Variants in NLRP4 observed in about 807,000 individuals in gnomAD.
NLRP4 encodes NACHT, LRR and PYD domains-containing protein 4.
Under a neutral mutation model 84.7 loss-of-function variants are expected in NLRP4, and 44 were observed. The ratio of observed to expected loss-of-function variants is 0.52; its 90% CI spans 0.41 to 0.67. The LOEUF is 0.67. NLRP4 is among the 30% of genes least tolerant of loss of function. The pLI is 0.00. For missense variants in NLRP4, 1,260 were observed against 1,219.4 expected (o/e 1.03, Z -0.50); for synonymous variants, 544 against 476.4 (o/e 1.14, Z -1.85).
intron 3 of NLRP4, among the ~76,000 whole-genome samples, chr19:55,859,986 C>CTTTTT (rs774606132): frequency 1.0e-5 from 1 of 96,504 alleles, no homozygotes; most frequent in East Asian, 3.5e-4. Context: ...TCTTCTTGTT[C>CTTTTT]TTTTTTTTTT....
In NLRP4 at chr19:55,853,448, C is replaced by T. The variant is rs556256229; in HGVS notation, c.280+1088C>T. Among the ~76,000 whole-genome samples the T allele has an allele frequency of 4.6e-5, 7 of 152,134 alleles. No individual in the cohort carries two copies. In the South Asian group the frequency reaches 1.0e-3, roughly 23 times the overall value. ...GGCTCTGTCACCCAGGGTGGAGTGC[C>T]GTGGCATCATCACGGCTCACTGCAG... is the stretch of plus-strand genomic sequence containing the variant. On this transcript the variant is annotated intron_variant, in intron 2 of 9. Coordinates refer to ENST00000301295, the MANE Select transcript of NLRP4 (RefSeq NM_134444.5).
intron 1 of NLRP4, among the ~76,000 whole-genome samples, chr19:55,843,652 A>G (rs1983693591): frequency 6.6e-6 from 1 of 152,146 alleles, no homozygotes; most frequent in South Asian, 2.1e-4. Context: ...AGATTGTGCC[A>G]CTGCACTCCA....
At chr19:55,879,009 T>C (rs755080991) in intron 9 of NLRP4, 45 bp downstream of exon 9, 19 of 1,479,550 alleles carry the variant, frequency 1.3e-5, no homozygotes, top group South Asian at 7.2e-5. Context: ...TGCTCCGGGC[T>C]AAGAAGGGAT....
intron 1 of NLRP4, among the ~76,000 whole-genome samples, chr19:55,847,122 T>C (rs11084408): frequency 6.6e-6 from 1 of 151,278 alleles, no homozygotes; most frequent in East Asian, 1.9e-4. Flanking sequence ...AAATTTTTTT[T>C]AAATTTTTCT....
At chr19:55,874,478 G>A (rs930875907) in intron 7 of NLRP4, among the ~76,000 whole-genome samples, 6 of 152,032 alleles carry the variant, frequency 3.9e-5, no homozygotes, top group Non-Finnish European at 5.9e-5. Context: ...AGATGCTACA[G>A]ATATTAAAAA....
rs200576295 is a variant in NLRP4 at position 55,858,943 on chromosome 19, C to G, written c.1550C>G (p.Ala517Gly). ...AAAAAGGAACAAGAAAAACTGGATG[C>G]GTTTTTTGGCTTCCAACTGTCCCAA... ...LNKKEQEKLD[A>G]FFGFQLSQEI... Residue 517 changes from alanine (A) to glycine (G), a missense_variant, in exon 3 of 10, where the codon GCG becomes GGG. By Grantham distance (60) the Ala-to-Gly change is moderately conservative (BLOSUM62 0). Coordinates refer to ENST00000301295, the MANE Select transcript of NLRP4 (RefSeq NM_134444.5). This position sits in a 1 kb window ranked among gnomAD's most constrained non-coding sequence, Gnocchi z 4.2. 7 of 1,613,720 alleles carry G rather than the reference C, an allele frequency of 4.3e-6. No homozygotes were observed. In the East Asian group the frequency reaches 1.6e-4, roughly 36 times the overall value.
chr19:55,861,313 A>G, intron 3 of NLRP4, 73 bp from the exon 4 acceptor site: 1 of 1,254,930 alleles, frequency 8.0e-7, no homozygotes, highest in Non-Finnish European at 1.1e-6. Flanking sequence ...AAGACAGCGT[A>G]GTGCGTATAT....
chr19:55,881,822 C>A lies in NLRP4; in HGVS notation c.*235C>A. ...CGGTCTCACAAGGACCTCTTAACCC[C>A]TCAATAAAGTGTTACATTTCTAAAC... On this transcript the variant is annotated 3_prime_UTR_variant, in exon 10 of 10. Transcript: ENST00000301295. 2 of 330,010 alleles carry A rather than the reference C, an allele frequency of 6.1e-6. No individual in the cohort carries two copies. The highest frequency in any genetic ancestry group is 5.5e-6 in the Non-Finnish European group (1 of 183,088). The allele number at this position is 330,010 out of a possible 1,614,324, so 20.4% of individuals were successfully genotyped here. A position where few individuals can be genotyped will look rare whatever the true frequency, so the allele number is the denominator to read the frequency against.
chr19:55,867,367 A>G (rs1318536158), intron 5 of NLRP4, among the ~76,000 whole-genome samples: 1 of 150,144 alleles, frequency 6.7e-6, no homozygotes, highest in Non-Finnish European at 1.5e-5. Context: ...ACTGTAAGCC[A>G]AGCATGCATA....
At position 55,853,064 on chromosome 19, in the gene NLRP4, C is replaced by T. The variant is rs1036341854; in HGVS notation, c.280+704C>T. ...TAATCATGTATTTAGCCAAAGTTCA[C>T]ATCAGACAAGCAATGATCTATAAGC... On this transcript the variant is annotated intron_variant, in intron 2 of 9. Transcript: ENST00000301295. Among the ~76,000 whole-genome samples, 10 of 152,218 alleles carry T rather than the reference C, an allele frequency of 6.6e-5. No homozygotes were observed. The South Asian group carries it at 1.9e-3, about 28-fold the overall frequency.
intron 9 of NLRP4, among the ~76,000 whole-genome samples, chr19:55,879,855 G>A (rs1195358989): frequency 6.6e-6 from 1 of 151,616 alleles, no homozygotes; most frequent in Admixed American, 6.6e-5. Flanking sequence ...TATGATACAT[G>A]TTTATATTTT....
intron 8 of NLRP4, among the ~76,000 whole-genome samples, chr19:55,878,129 G>A (rs537582686): frequency 1.2e-4 from 18 of 152,192 alleles, no homozygotes; most frequent in African/African-American, 3.9e-4. Flanking sequence ...AATTAGCCAG[G>A]CGTGGTGCAT....
Position 55,836,634 on chromosome 19 carries a change from C to G in NLRP4, c.-366C>G, listed in dbSNP as rs1052487740. 3.3e-5 allele frequency: 5 copies of G among 152,648 alleles called. No individual in the cohort carries two copies. The highest frequency in any genetic ancestry group is 1.2e-4 in the African/African-American group (5 of 41,448). The allele number at this position is 152,648 out of a possible 1,614,324, so 9.5% of individuals were successfully genotyped here. On this transcript the variant is annotated 5_prime_UTR_variant, in exon 1 of 10. Coordinates refer to ENST00000301295, the MANE Select transcript of NLRP4 (RefSeq NM_134444.5). ...ATTTCCTGGGTTACTTTGGGTCTTCCTTTTCTTTCTCCCTTTTACCCTGTC... is the reference window on the plus strand; with the variant it reads ...ATTTCCTGGGTTACTTTGGGTCTTCGTTTTCTTTCTCCCTTTTACCCTGTC...
rs752147153 is a variant in NLRP4, at chr19:55,858,501, T to A, written c.1108T>A (p.Ser370Thr). ...DLALTCQSTT[S>T]VYSSFVFNLF... ...GGCCCTGACCTGCCAGAGCACTACCTCTGTGTACTCCTCTTTCGTCTTTAA... is the reference window on the plus strand; with the variant it reads ...GGCCCTGACCTGCCAGAGCACTACCACTGTGTACTCCTCTTTCGTCTTTAA... The change falls in exon 3 of 10, where the codon TCT becomes ACT. Residue 370 changes from serine to threonine, a missense_variant. Physicochemically the swap from Ser to Thr is moderately conservative, Grantham distance 58. Transcript: ENST00000301295. This position sits in a 1 kb window ranked among gnomAD's most constrained non-coding sequence, Gnocchi z 4.2. 1 of 1,613,976 alleles carries A rather than the reference T, an allele frequency of 6.2e-7. No homozygotes were observed. The highest frequency in any genetic ancestry group is 8.5e-7 in the Non-Finnish European group (1 of 1,180,010).
rs1390200673 is a variant in NLRP4, at chr19:55,850,829, C to CCGAGGCTGCGGTGTAATTTA, written c.-65-1149_-65-1130dup. 4.2e-4 allele frequency among the ~76,000 whole-genome samples: 40 copies of CCGAGGCTGCGGTGTAATTTA among 95,724 alleles called. 1 individual carries two copies. Among genetic ancestry groups the CCGAGGCTGCGGTGTAATTTA allele is most frequent in the East Asian group, 8.6e-4 (3 of 3,472 alleles). 62.8% of individuals were successfully genotyped at this position (95,724 alleles called of 152,430 possible). A position where few individuals can be genotyped will look rare whatever the true frequency, so the allele number is the denominator to read the frequency against. ...AATTTCCGAGGCTGCGGTGTAATGT[C>CCGAGGCTGCGGTGTAATTTA]CGAGGCTGCGGTGTAATTTACGAGG... is the stretch of plus-strand genomic sequence containing the variant. On this transcript the variant is annotated intron_variant, in intron 1 of 9. Transcript: ENST00000301295.
intron 1 of NLRP4, among the ~76,000 whole-genome samples, chr19:55,851,691 CGAGGCTGCGGTGTA>C (rs879491147): frequency 0.014 from 1,522 of 111,556 alleles, 41 homozygotes; most frequent in Middle Eastern, 0.024. Context: ...GTGTAATGTC[CGAGGCTGCGGTGTA>C]ATGTCCGAGG....
rs866037832 is a variant in NLRP4, at chr19:55,858,528, C to T, written c.1135C>T (p.Leu379=). 9.3e-6 allele frequency: 15 copies of T among 1,614,182 alleles called. No homozygotes were observed. Among genetic ancestry groups the T allele is most frequent in the Non-Finnish European group, 1.1e-5 (13 of 1,180,042 alleles). ...TGTGTACTCCTCTTTCGTCTTTAAC[C>T]TGTTCACACCTGAGGGTGCCGAGGG... ...TSVYSSFVFN[L]FTPEGAEGPT... is the part of the protein sequence containing the mutation. Residue 379 remains leucine, a synonymous_variant, in exon 3 of 10, where the codon CTG becomes TTG. Transcript: ENST00000301295. The surrounding 1 kb of genome is among the most constrained non-coding windows in gnomAD (Gnocchi z 4.2).
rs773312915 is a variant in NLRP4 at position 55,858,592 on chromosome 19, G to A, written c.1199G>A (p.Cys400Tyr). 6.2e-7 allele frequency: 1 copy of A among 1,614,228 alleles called. No individual in the cohort carries two copies. The highest frequency in any genetic ancestry group is 8.5e-7 in the Non-Finnish European group (1 of 1,180,036). Residue 400 changes from cysteine to tyrosine, a missense_variant, in exon 3 of 10, where the codon TGC becomes TAC. Transcript: ENST00000301295. This position sits in a 1 kb window ranked among gnomAD's most constrained non-coding sequence, Gnocchi z 4.2. Reference protein sequence around the residue: ...PQTQHQLKALCSLAAEGMWTD... With the variant: ...PQTQHQLKALYSLAAEGMWTD... Reference sequence around the variant, plus strand: ...ACCCAGCACCAGCTGAAGGCCCTGTGCTCCCTGGCTGCAGAGGGTATGTGG... The same window carrying A: ...ACCCAGCACCAGCTGAAGGCCCTGTACTCCCTGGCTGCAGAGGGTATGTGG...
intron 1 of NLRP4, among the ~76,000 whole-genome samples, chr19:55,839,479 T>TAAAAA (rs56042909): frequency 3.0e-5 from 4 of 135,522 alleles, no homozygotes; most frequent in Non-Finnish European, 4.9e-5. Context: ...GGGGAAGAGT[T>TAAAAA]AAAAAAAAAA....
Sources: gnomAD v4.1 joint callset for allele counts (sites outside exome capture counted in the v4.1 genomes callset) on GRCh38, gnomAD v4.1.1 for gene constraint, Gnocchi (gnomAD v3.1) non-coding constraint, MANE v1.5 for transcripts, NCBI Gene and HGNC (gene_info 2026-07-23, HGNC 2026-07-21) for gene names.